Variants in VPS50 observed in about 807,000 individuals in gnomAD.
VPS50 encodes the protein VPS50 subunit of EARP/GARPII complex, also known as syndetin.
Under a neutral mutation model 139.7 loss-of-function variants are expected in VPS50, and 70 were observed. The observed-to-expected ratio is 0.50, with a 90% confidence interval of 0.41 to 0.61. The LOEUF (loss-of-function observed/expected upper bound fraction) is 0.61, where lower values mean the gene tolerates loss of function less well. Ranked by LOEUF, VPS50 falls within the 20% of genes least tolerant of loss-of-function variation. The pLI is 0.00. For missense variants in VPS50, 921 were observed against 1,133.7 expected (o/e 0.81, Z 2.69); for synonymous variants, 365 against 376.7 (o/e 0.97, Z 0.36).
intron 4 of VPS50, among the ~76,000 whole-genome samples, chr7:93,256,269 A>G (rs984076157): frequency 6.6e-6 from 1 of 152,200 alleles, no homozygotes; most frequent in Non-Finnish European, 1.5e-5. Flanking sequence ...TAACAATAAT[A>G]ATGACCATTT....
At chr7:93,322,811 A>C (rs1199015529) in intron 20 of VPS50, among the ~76,000 whole-genome samples, 1 of 152,018 alleles carries the variant, frequency 6.6e-6, no homozygotes, top group African/African-American at 2.4e-5. Context: ...GGGGACTTGC[A>C]GTTATTTGTT....
chr7:93,350,404 C>A (rs115853902), intron 25 of VPS50, among the ~76,000 whole-genome samples: 3 of 152,044 alleles, frequency 2.0e-5, no homozygotes, highest in African/African-American at 7.2e-5. Flanking sequence ...TCTGATTATT[C>A]GGGGTAAAAA....
At chr7:93,343,811 A>T (rs1173186187) in intron 23 of VPS50, among the ~76,000 whole-genome samples, 7 of 152,166 alleles carry the variant, frequency 4.6e-5, no homozygotes, top group Non-Finnish European at 7.4e-5. Flanking sequence ...GCCTGCCCTA[A>T]AAGAGCTCCT....
chr7:93,340,578 C>A (rs879515885), intron 22 of VPS50: 3 of 152,154 alleles, frequency 2.0e-5, no homozygotes, highest in Admixed American at 6.5e-5. Flanking sequence ...CCTTTGCCAA[C>A]CTGTTTGTTT....
intron 16 of VPS50, among the ~76,000 whole-genome samples, chr7:93,299,396 A>G (rs1478346752): frequency 6.6e-6 from 1 of 152,208 alleles, no homozygotes. Context: ...GTCATTCTAC[A>G]TAAATACTGA....
intron 20 of VPS50, among the ~76,000 whole-genome samples, chr7:93,322,665 C>T (rs1393791647): frequency 6.6e-6 from 1 of 151,104 alleles, no homozygotes; most frequent in East Asian, 1.9e-4. Context: ...GAAGTAGAGC[C>T]AGCACCTGAA....
intron 2 of VPS50, among the ~76,000 whole-genome samples, chr7:93,251,006 G>T (rs568530122): frequency 1.0e-3 from 152 of 152,202 alleles, no homozygotes; most frequent in African/African-American, 3.6e-3. Flanking sequence ...TTAGAATGGC[G>T]ATCATTAAAA....
intron 9 of VPS50, among the ~76,000 whole-genome samples, chr7:93,263,116 G>C (rs1324190195): frequency 2.0e-5 from 3 of 148,396 alleles, no homozygotes; most frequent in African/African-American, 7.5e-5. Flanking sequence ...ACCTGTTCTT[G>C]AGCTCTCTAG....
At chr7:93,350,579 A>G (rs977338953) in intron 25 of VPS50, among the ~76,000 whole-genome samples, 7 of 152,190 alleles carry the variant, frequency 4.6e-5, no homozygotes, top group African/African-American at 1.4e-4. Context: ...CTGGCAGTAT[A>G]GCTGTGAATT....
chr7:93,249,170 T>C (rs1013267714), intron 2 of VPS50, among the ~76,000 whole-genome samples: 10 of 150,086 alleles, frequency 6.7e-5, no homozygotes, highest in Admixed American at 4.0e-4. Flanking sequence ...GACATACATA[T>C]ACAGATTGTA....
At chr7:93,312,507 A>G (rs1797298878) in intron 20 of VPS50, among the ~76,000 whole-genome samples, 1 of 152,190 alleles carries the variant, frequency 6.6e-6, no homozygotes, top group Non-Finnish European at 1.5e-5. Flanking sequence ...TCTCATTAGT[A>G]GAAGTATCTT....
intron 20 of VPS50, among the ~76,000 whole-genome samples, chr7:93,313,895 A>G (rs1797345305): frequency 6.6e-6 from 1 of 152,212 alleles, no homozygotes; most frequent in South Asian, 2.1e-4. Flanking sequence ...GCCGAGTATG[A>G]CAATTTAACT....
chr7:93,284,427 C>G (rs1035128357), intron 12 of VPS50, among the ~76,000 whole-genome samples: 6 of 152,178 alleles, frequency 3.9e-5, no homozygotes, highest in African/African-American at 1.4e-4. Context: ...GGCCATTTAA[C>G]AGCAATTAGA....
At chr7:93,283,888 G>C (rs1412348451) in intron 12 of VPS50, among the ~76,000 whole-genome samples, 1 of 152,088 alleles carries the variant, frequency 6.6e-6, no homozygotes, top group East Asian at 1.9e-4. Context: ...TTTTTAGTAT[G>C]GTGGTTTGGT....
chr7:93,301,166 G>A (rs1375307894), intron 16 of VPS50, among the ~76,000 whole-genome samples: 10 of 151,842 alleles, frequency 6.6e-5, no homozygotes, highest in Admixed American at 3.9e-4. Context: ...GCGTGGTGGC[G>A]GGTGCCTGTA....
chr7:93,326,205 C>A (rs1443485090), intron 21 of VPS50, among the ~76,000 whole-genome samples: 41 of 139,478 alleles, frequency 2.9e-4, no homozygotes, highest in Admixed American at 4.5e-4. Context: ...GGACAAAAAA[C>A]CAAACACTGC....
chr7:93,313,275 G>T (rs994331467), intron 20 of VPS50, among the ~76,000 whole-genome samples: 1 of 152,168 alleles, frequency 6.6e-6, no homozygotes, highest in Non-Finnish European at 1.5e-5. Context: ...TGCAAGTCAA[G>T]GGAAGTGGGC....
chr7:93,269,809 TTTTGA>T (rs1382078656), intron 9 of VPS50, among the ~76,000 whole-genome samples: 1 of 152,052 alleles, frequency 6.6e-6, no homozygotes. Context: ...TATATTTTTG[TTTTGA>T]TTTATTTTTC....
In VPS50 at chr7:93,232,432, C is replaced by T. The variant is rs1285299135; in HGVS notation, c.-36C>T. On this transcript the variant is annotated 5_prime_UTR_variant, in exon 1 of 28. Coordinates refer to ENST00000305866, the MANE Select transcript of VPS50 (RefSeq NM_017667.4). ...GTAGTGGCTCGGTGTGATTTGTTAG[C>T]TCTTTGAGGCAGGGTACCCTCCTCA... 6.3e-7 allele frequency: 1 copy of T among 1,589,518 alleles called. No individual in the cohort carries two copies. Among genetic ancestry groups the T allele is most frequent in the East Asian group, 2.2e-5 (1 of 44,520 alleles).
Sources: allele counts gnomAD v4.1 joint callset (sites outside exome capture counted in the v4.1 genomes callset), GRCh38; gene constraint gnomAD v4.1.1; transcripts MANE v1.5; gene names NCBI Gene and HGNC (gene_info 2026-07-23, HGNC 2026-07-21).